ADAMTSL1: variants seen among roughly 807,000 people sequenced by gnomAD.
ADAMTSL1 encodes the protein ADAMTS like 1, also known as ADAMTS-like protein 1.
A neutral mutation model predicts 201.8 loss-of-function variants in ADAMTSL1; 126 were observed. That is an observed-to-expected ratio of 0.62 (90% CI 0.54 to 0.72). The LOEUF is 0.72. Among genes scored for constraint, ADAMTSL1 ranks in the 30% least tolerant of loss-of-function variants. ADAMTSL1 has a pLI of 0.00. For synonymous variants in ADAMTSL1, 1,121 were observed against 903.4 expected (o/e 1.24, Z -4.32); for missense variants, 2,679 against 2,277.8 (o/e 1.18, Z -3.59).
chr9:18,835,988 G>A, intron 23 of ADAMTSL1, among the ~76,000 whole-genome samples: 1 of 152,098 alleles, frequency 6.6e-6, no homozygotes, highest in East Asian at 1.9e-4. Flanking sequence ...TGTCTTTTTG[G>A]TAGAATGATT....
intron 2 of ADAMTSL1, among the ~76,000 whole-genome samples, chr9:18,415,439 T>C (rs1286710091): frequency 1.3e-5 from 2 of 152,116 alleles, no homozygotes; most frequent in African/African-American, 2.4e-5. Context: ...TAGTAACAGA[T>C]TAGCTGTTGC....
intron 1 of ADAMTSL1, among the ~76,000 whole-genome samples, chr9:18,499,545 C>T (rs1457363218): frequency 1.3e-5 from 2 of 152,220 alleles, no homozygotes; most frequent in East Asian, 1.9e-4. Context: ...TGCTCCACTT[C>T]GCATGGGCAG....
intron 2 of ADAMTSL1, among the ~76,000 whole-genome samples, chr9:18,514,280 GTGGA>G (rs1011009494): frequency 1.2e-4 from 17 of 144,990 alleles, no homozygotes; most frequent in Non-Finnish European, 1.5e-4. Flanking sequence ...AATTTCTTTT[GTGGA>G]TAGTTTGTTA....
chr9:18,216,663 T>G (rs1180773106), intron 2 of ADAMTSL1, among the ~76,000 whole-genome samples: 3 of 151,776 alleles, frequency 2.0e-5, no homozygotes, highest in African/African-American at 7.3e-5. Context: ...TTTTTTTTTT[T>G]TTTCCTTTTC....
intron 1 of ADAMTSL1, among the ~76,000 whole-genome samples, chr9:18,494,615 A>C (rs114463250): frequency 0.013 from 1,987 of 152,310 alleles, 39 homozygotes; most frequent in African/African-American, 0.046. Context: ...TATGATTACA[A>C]AAAGCAGGAA....
At chr9:18,691,345 G>A (rs976915867) in intron 13 of ADAMTSL1, among the ~76,000 whole-genome samples, 5 of 152,130 alleles carry the variant, frequency 3.3e-5, no homozygotes, top group African/African-American at 9.7e-5. Context: ...GATATGAACC[G>A]ATGTTTGACA....
chr9:18,038,365 A>G (rs1410509904), intron 1 of ADAMTSL1, among the ~76,000 whole-genome samples: 2 of 152,192 alleles, frequency 1.3e-5, no homozygotes, highest in Admixed American at 1.3e-4. Context: ...AATCAAAACC[A>G]AAACTATTCC....
chr9:18,425,859 G>GAAAAA lies in ADAMTSL1; in HGVS notation c.208-78955_208-78951dup, dbSNP rs71304881. Among the ~76,000 whole-genome samples, 73 of 94,556 alleles carry GAAAAA rather than the reference G, an allele frequency of 7.7e-4. 2 individuals are homozygous for GAAAAA. The highest frequency in any genetic ancestry group is 2.7e-3 in the African/African-American group (61 of 22,716). 62.0% of individuals were successfully genotyped at this position (94,556 alleles called of 152,430 possible). A position where few individuals can be genotyped will look rare whatever the true frequency, so the allele number is the denominator to read the frequency against. On this transcript the variant is annotated intron_variant, in intron 2 of 29. Coordinates refer to the ADAMTSL1 transcript ENST00000680146. ...TAACACAGTAAGATCCCTGTCTCAA[G>GAAAAA]AAAAAAAAAAAAAAAAAAAGACGTG...
chr9:18,075,823 T>C (rs1339676957), intron 1 of ADAMTSL1, among the ~76,000 whole-genome samples: 6 of 152,164 alleles, frequency 3.9e-5, no homozygotes, highest in Admixed American at 3.9e-4. Context: ...TACAGGGAAG[T>C]TCCTGCTGTG....
chr9:18,652,114 G>A (rs927753810), intron 7 of ADAMTSL1, among the ~76,000 whole-genome samples: 5 of 151,968 alleles, frequency 3.3e-5, no homozygotes, highest in African/African-American at 4.8e-5. Flanking sequence ...TGCACTACAA[G>A]CTAATATGCT....
intron 2 of ADAMTSL1, among the ~76,000 whole-genome samples, chr9:18,195,611 C>T (rs79002993): frequency 0.021 from 3,247 of 152,218 alleles, 48 homozygotes; most frequent in Non-Finnish European, 0.033. Context: ...GACATTTCTT[C>T]TAGTGGTGTT....
At chr9:18,324,547 C>G (rs1392249612) in intron 2 of ADAMTSL1, among the ~76,000 whole-genome samples, 1 of 151,880 alleles carries the variant, frequency 6.6e-6, no homozygotes, top group Non-Finnish European at 1.5e-5. Flanking sequence ...GGCAGATCAC[C>G]TGAGGTTGGG....
intron 2 of ADAMTSL1, among the ~76,000 whole-genome samples, chr9:18,323,686 G>A (rs1834715538): frequency 6.6e-6 from 1 of 152,074 alleles, no homozygotes; most frequent in Non-Finnish European, 1.5e-5. Flanking sequence ...TTGTATTTCT[G>A]TATACTATCA....
At chr9:18,849,578 G>T (rs567569654) in intron 23 of ADAMTSL1, among the ~76,000 whole-genome samples, 71 of 152,322 alleles carry the variant, frequency 4.7e-4, no homozygotes, top group East Asian at 9.7e-4. Context: ...GGCAAGGAAG[G>T]TGATGCCAAG....
At chr9:18,737,288 C>T (rs1412340089) in intron 15 of ADAMTSL1, among the ~76,000 whole-genome samples, 1 of 133,198 alleles carries the variant, frequency 7.5e-6, no homozygotes, top group African/African-American at 2.8e-5. Flanking sequence ...CATTGCACTC[C>T]AGCCTGCCCA....
At chr9:18,129,304 C>A (rs115530826) in intron 1 of ADAMTSL1, among the ~76,000 whole-genome samples, 1 of 152,056 alleles carries the variant, frequency 6.6e-6, no homozygotes, top group Non-Finnish European at 1.5e-5. Context: ...AATTGCAGGC[C>A]AATAGAGCTA....
intron 1 of ADAMTSL1, among the ~76,000 whole-genome samples, chr9:18,090,672 C>T (rs574022276): frequency 9.2e-5 from 14 of 152,088 alleles, no homozygotes; most frequent in African/African-American, 3.1e-4. Flanking sequence ...AGCTGCATGG[C>T]GGCAATGGTT....
chr9:18,488,013 T>C (rs181684736), intron 1 of ADAMTSL1, among the ~76,000 whole-genome samples: 1 of 152,366 alleles, frequency 6.6e-6, no homozygotes, highest in African/African-American at 2.4e-5. Context: ...AAAATAGGAA[T>C]GTCACTTCAG....
At chr9:18,399,213 A>G (rs528303320) in intron 2 of ADAMTSL1, among the ~76,000 whole-genome samples, 2 of 146,110 alleles carry the variant, frequency 1.4e-5, no homozygotes, top group South Asian at 4.4e-4. Context: ...TTCTTTGCCC[A>G]GAGATAATTC....
Sources: gnomAD v4.1 joint callset for allele counts (sites outside exome capture counted in the v4.1 genomes callset) on GRCh38, gnomAD v4.1.1 for gene constraint, MANE v1.5 for transcripts, NCBI Gene and HGNC (gene_info 2026-07-23, HGNC 2026-07-21) for gene names.